The following PDE10A variants were observed in gnomAD, a reference collection of about 807,000 sequenced individuals.
PDE10A encodes cAMP and cAMP-inhibited cGMP 3',5'-cyclic phosphodiesterase 10A.
In PDE10A, 39 loss-of-function variants were observed where a neutral mutation model predicts 97.7. The observed-to-expected ratio is 0.40, with a 90% CI of 0.31 to 0.52. PDE10A has a LOEUF of 0.52. Ranked by LOEUF, PDE10A falls within the 20% of genes least tolerant of loss-of-function variation. The pLI is 0.56. For missense variants in PDE10A, 731 were observed against 1,047.8 expected (o/e 0.70, Z 4.17); for synonymous variants, 371 against 376.8 (o/e 0.98, Z 0.18).
At chr6:165,691,927 G>A (rs988702719) in intron 1 of PDE10A, among the ~76,000 whole-genome samples, 1 of 152,224 alleles carries the variant, frequency 6.6e-6, no homozygotes, top group Non-Finnish European at 1.5e-5. Flanking sequence ...GATGAACTGT[G>A]TTAGACCCTT....
intron 3 of PDE10A, among the ~76,000 whole-genome samples, chr6:165,478,405 G>C (rs375363212): frequency 1.3e-5 from 2 of 152,114 alleles, no homozygotes; most frequent in African/African-American, 2.4e-5. Flanking sequence ...GCAATGATGG[G>C]GGGGAGGGGG....
intron 13 of PDE10A, among the ~76,000 whole-genome samples, chr6:165,398,959 G>C (rs771737739): frequency 2.0e-5 from 3 of 152,042 alleles, no homozygotes; most frequent in Non-Finnish European, 4.4e-5. Flanking sequence ...TAAAGACATA[G>C]AGTAAAATTA....
chr6:165,754,077 C>G (rs78981988), intron 1 of PDE10A: 1 of 152,166 alleles, frequency 6.6e-6, no homozygotes, highest in Admixed American at 6.5e-5. Context: ...AAAGAGAAAA[C>G]AAGCCACAAG....
intron 3 of PDE10A, among the ~76,000 whole-genome samples, chr6:165,462,952 C>T (rs2839898): frequency 0.028 from 4,246 of 152,252 alleles, 201 homozygotes; most frequent in African/African-American, 0.095. Flanking sequence ...AGGCATACCA[C>T]CCTCAAAAAC....
At chr6:165,472,781 T>C (rs1779089802) in intron 3 of PDE10A, among the ~76,000 whole-genome samples, 1 of 152,150 alleles carries the variant, frequency 6.6e-6, no homozygotes, top group South Asian at 2.1e-4. Context: ...TTAGTTAACA[T>C]ACAGAAGTAT....
chr6:165,478,102 T>C lies in PDE10A; in HGVS notation c.1023+4213A>G, dbSNP rs112310123. ...ACGAACTTTTCTTTTAATTTGACCA[T>C]ATATGCACTTGCTTTCTAAAAATCT... On this transcript the variant is annotated intron_variant, in intron 3 of 21. Coordinates refer to ENST00000539869, the MANE Select transcript of PDE10A (RefSeq NM_001385079.1). 1.1e-3 allele frequency among the ~76,000 whole-genome samples: 163 copies of C among 152,336 alleles called. 1 individual carries two copies. Among genetic ancestry groups the C allele is most frequent in the African/African-American group, 3.8e-3 (157 of 41,574 alleles).
intron 1 of PDE10A, among the ~76,000 whole-genome samples, chr6:165,717,605 T>C (rs2128447639): frequency 6.6e-6 from 1 of 151,578 alleles, no homozygotes; most frequent in Admixed American, 6.6e-5. Context: ...AGTGTATAAA[T>C]GTCATTTTGA....
chr6:165,786,073 G>A (rs151283370), intron 1 of PDE10A, among the ~76,000 whole-genome samples: 172 of 152,302 alleles, frequency 1.1e-3, no homozygotes, highest in African/African-American at 3.9e-3. Context: ...AGACCTGAAC[G>A]ATGTATTCCA....
chr6:165,409,866 T>C (rs1357077153), intron 13 of PDE10A, among the ~76,000 whole-genome samples: 1 of 150,812 alleles, frequency 6.6e-6, no homozygotes, highest in Non-Finnish European at 1.5e-5. Context: ...AAAAATGGAA[T>C]GCCTATTAAA....
intron 1 of PDE10A, among the ~76,000 whole-genome samples, chr6:165,797,231 T>A (rs1402697721): frequency 6.6e-6 from 1 of 152,218 alleles, no homozygotes; most frequent in Non-Finnish European, 1.5e-5. Context: ...GATGCTAAGT[T>A]TGATTAACTG....
chr6:165,554,226 T>C (rs911574590), intron 1 of PDE10A, among the ~76,000 whole-genome samples: 1 of 152,044 alleles, frequency 6.6e-6, no homozygotes, highest in Middle Eastern at 3.4e-3. Context: ...GAAGAGACAA[T>C]CCATGGACTG....
chr6:165,413,611 C>G lies in PDE10A; in HGVS notation c.1966G>C (p.Gly656Arg). ...MPIVSRGSVIGVVQMVNKISG... is the reference protein window; with the variant it reads ...MPIVSRGSVIRVVQMVNKISG... ...ATTTTGTTGACCATCTGCACCACAC[C>G]TATCACGCTGCCTCGGCTGACGATG... Residue 656 changes from glycine (G) to arginine (R), a missense_variant, in exon 13 of 22, where the codon GGT becomes CGT. Physicochemically the swap from Gly to Arg is moderately radical, Grantham distance 125. This residue lies in a region of PDE10A where 108 missense variants were observed against 199.8 expected (regional missense o/e 0.54). Transcript: ENST00000539869. The G allele has an allele frequency of 6.2e-7, 1 of 1,614,118 alleles. No homozygotes were observed. The highest frequency in any genetic ancestry group is 8.5e-7 in the Non-Finnish European group (1 of 1,179,968).
At chr6:165,511,463 T>C (rs923295210) in intron 2 of PDE10A, among the ~76,000 whole-genome samples, 1 of 152,036 alleles carries the variant, frequency 6.6e-6, no homozygotes, top group Non-Finnish European at 1.5e-5. Flanking sequence ...GACTGTTCCA[T>C]GTGCTGATGA....
chr6:165,482,205 G>A, intron 3 of PDE10A, 110 bp downstream of exon 3: 1 of 818,816 alleles, frequency 1.2e-6, no homozygotes, highest in Non-Finnish European at 2.1e-6. Flanking sequence ...AGGAAACTCA[G>A]TTTTTGCCAT....
intron 1 of PDE10A, among the ~76,000 whole-genome samples, chr6:165,981,543 T>C (rs149116981): frequency 5.5e-4 from 84 of 152,316 alleles, no homozygotes; most frequent in Admixed American, 9.2e-4. Flanking sequence ...GGTCCAAAGA[T>C]GAGTGAGGAC....
chr6:165,772,109 A>G (rs2128460060), intron 1 of PDE10A, among the ~76,000 whole-genome samples: 1 of 152,370 alleles, frequency 6.6e-6, no homozygotes, highest in Admixed American at 6.5e-5. Flanking sequence ...AATAGTGTTT[A>G]ACTCTGATAA....
chr6:165,785,055 T>C (rs1026932257), intron 1 of PDE10A, among the ~76,000 whole-genome samples: 1 of 152,214 alleles, frequency 6.6e-6, no homozygotes, highest in Non-Finnish European at 1.5e-5. Context: ...TAAAACTCTG[T>C]GGGATAATTT....
intron 18 of PDE10A, among the ~76,000 whole-genome samples, chr6:165,362,329 AAAAG>A (rs1216958193): frequency 1.3e-5 from 2 of 152,138 alleles, no homozygotes; most frequent in African/African-American, 2.4e-5. Flanking sequence ...GAGAGGGAGA[AAAAG>A]AAAGACGATT....
chr6:165,917,694 A>C (rs1434412650), intron 1 of PDE10A, among the ~76,000 whole-genome samples: 1 of 152,202 alleles, frequency 6.6e-6, no homozygotes, highest in Non-Finnish European at 1.5e-5. Context: ...AGCCCGCTGG[A>C]GGCTGGGCAA....
Sources: gnomAD v4.1 joint callset for allele counts (sites outside exome capture counted in the v4.1 genomes callset) on GRCh38, gnomAD v4.1.1 for gene constraint, gnomAD v4.1.1 regional missense constraint, MANE v1.5 for transcripts, NCBI Gene and HGNC (gene_info 2026-07-23, HGNC 2026-07-21) for gene names.